Variants in PDHX observed in about 807,000 individuals in gnomAD.
PDHX encodes pyruvate dehydrogenase complex component X.
A neutral mutation model predicts 55.3 loss-of-function variants in PDHX; 33 were observed. The observed-to-expected ratio is 0.60, with a 90% CI of 0.45 to 0.80. The LOEUF (loss-of-function observed/expected upper bound fraction) is 0.80, where lower values mean the gene tolerates loss of function less well. Ranked by LOEUF, PDHX falls within the 30% of genes least tolerant of loss-of-function variation. The pLI is 0.00. For synonymous variants in PDHX, 226 were observed against 219.4 expected, an observed-to-expected ratio of 1.03 and a Z score of -0.27; for missense variants, 622 against 619.9, an observed-to-expected ratio of 1.00 and a Z score of -0.04.
intron 8 of PDHX, among the ~76,000 whole-genome samples, chr11:34,979,021 C>G (rs1010248420): frequency 6.6e-6 from 1 of 152,068 alleles, no homozygotes; most frequent in African/African-American, 2.4e-5. Context: ...TTTAGAAGAT[C>G]ACAGTGGCTT....
chr11:34,952,361 A>G (rs1398665606), intron 3 of PDHX, among the ~76,000 whole-genome samples: 2 of 152,294 alleles, frequency 1.3e-5, no homozygotes, highest in East Asian at 3.9e-4. Context: ...TCATCCTGAT[A>G]CCAAAGCCGG....
chr11:34,927,150 G>A (rs1440509586), intron 1 of PDHX, among the ~76,000 whole-genome samples: 5 of 152,036 alleles, frequency 3.3e-5, no homozygotes, highest in Non-Finnish European at 5.9e-5. Flanking sequence ...TGCTGTGGAA[G>A]GGTAGACTTC....
At chr11:34,974,150 G>T (rs150950692) in intron 7 of PDHX, among the ~76,000 whole-genome samples, 6 of 152,252 alleles carry the variant, frequency 3.9e-5, no homozygotes, top group Non-Finnish European at 5.9e-5. Flanking sequence ...CTGCAAAATG[G>T]AAACTCTGTA....
chr11:34,934,932 TAA>T (rs60682931), intron 2 of PDHX, among the ~76,000 whole-genome samples: 521 of 150,376 alleles, frequency 3.5e-3, no homozygotes, highest in African/African-American at 0.012. Flanking sequence ...TTTTGATTAT[TAA>T]AAAAAAAAAA....
intron 4 of PDHX, among the ~76,000 whole-genome samples, chr11:34,959,192 T>C (rs1854967544): frequency 6.6e-6 from 1 of 151,870 alleles, no homozygotes; most frequent in Non-Finnish European, 1.5e-5. Context: ...ATATAATAAA[T>C]ATATATAATT....
intron 6 of PDHX, among the ~76,000 whole-genome samples, chr11:34,969,683 G>A (rs1855214155): frequency 6.6e-6 from 1 of 151,990 alleles, no homozygotes; most frequent in Non-Finnish European, 1.5e-5. Flanking sequence ...AACAAAAGCT[G>A]CTTACAGATG....
intron 8 of PDHX, 59 bp from the exon 9 acceptor site, chr11:34,984,511 T>C: frequency 7.0e-7 from 1 of 1,429,124 alleles, no homozygotes; most frequent in Non-Finnish European, 9.8e-7. Context: ...TTTATTTTTC[T>C]GTAACCGCCT....
chr11:34,916,669 G>T lies in PDHX; in HGVS notation c.14G>T (p.Trp5Leu). 1 of 1,610,476 alleles carries T rather than the reference G, an allele frequency of 6.2e-7. No homozygotes were observed. Among genetic ancestry groups the T allele is most frequent in the Non-Finnish European group, 8.5e-7 (1 of 1,179,974 alleles). ...AAGGCCGTCAAGATGGCGGCCTCCTGGAGGCTGGGCTGTGATCCGCGGCTG... is the reference window on the plus strand; with the variant it reads ...AAGGCCGTCAAGATGGCGGCCTCCTTGAGGCTGGGCTGTGATCCGCGGCTG... MAAS[W>L]RLGCDPRLLR... The change falls in exon 1 of 11, where the codon TGG (tryptophan) becomes TTG (leucine). Residue 5 changes from tryptophan to leucine, a missense_variant. Physicochemically the swap from Trp to Leu is moderately conservative, Grantham distance 61. Transcript: ENST00000227868.
chr11:34,922,781 T>C (rs1218183525), intron 1 of PDHX, among the ~76,000 whole-genome samples: 1 of 131,544 alleles, frequency 7.6e-6, no homozygotes, highest in African/African-American at 2.6e-5. Context: ...TCTAAGGTGA[T>C]GTACTCTTAA....
chr11:34,949,218 G>A (rs1296424614), intron 3 of PDHX, among the ~76,000 whole-genome samples: 1 of 152,140 alleles, frequency 6.6e-6, no homozygotes. Flanking sequence ...GGACAAACTA[G>A]TAAATCTTTT....
At position 34,965,626 on chromosome 11, in the gene PDHX, G is replaced by A. The variant is rs1855114459; in HGVS notation, c.642-1014G>A. On this transcript the variant is annotated intron_variant, in intron 5 of 10. Transcript: ENST00000227868. ...AGATACAGTCAAGAGGGATGATATG[G>A]GGCATGTACACCAGGGGCAGGAATA... Among the ~76,000 whole-genome samples the A allele has an allele frequency of 1.3e-5, 2 of 152,048 alleles. 1 individual carries two copies. Among genetic ancestry groups the A allele is most frequent in the South Asian group, 4.1e-4 (2 of 4,820 alleles).
chr11:34,966,403 A>G (rs1425725323), intron 5 of PDHX, among the ~76,000 whole-genome samples: 1 of 152,244 alleles, frequency 6.6e-6, no homozygotes, highest in African/African-American at 2.4e-5. Flanking sequence ...CAATTTTAAT[A>G]ACATTTTAAT....
chr11:34,977,985 T>C (rs1407220771), intron 7 of PDHX, 139 bp from the exon 8 acceptor site: 5 of 635,884 alleles, frequency 7.9e-6, no homozygotes, highest in East Asian at 2.8e-5. Flanking sequence ...GGGAACCTTA[T>C]TGACTAAGCA....
chr11:34,991,759 A>T (rs952243073), intron 9 of PDHX, among the ~76,000 whole-genome samples: 1 of 151,896 alleles, frequency 6.6e-6, no homozygotes, highest in Non-Finnish European at 1.5e-5. Flanking sequence ...AAATATAAAA[A>T]ATTAGCTGGG....
At chr11:34,982,626 C>T (rs1013986956) in intron 8 of PDHX, among the ~76,000 whole-genome samples, 4 of 152,146 alleles carry the variant, frequency 2.6e-5, no homozygotes, top group Non-Finnish European at 5.9e-5. Context: ...AAACTACCGT[C>T]AGAGAATACT....
intron 3 of PDHX, among the ~76,000 whole-genome samples, chr11:34,953,598 G>T (rs528023557): frequency 1.3e-5 from 2 of 152,046 alleles, no homozygotes; most frequent in Non-Finnish European, 2.9e-5. Flanking sequence ...TTTTAAACTT[G>T]TTTTTTTAAA....
At chr11:34,924,742 A>G (rs1467786395) in intron 1 of PDHX, among the ~76,000 whole-genome samples, 1 of 152,136 alleles carries the variant, frequency 6.6e-6, no homozygotes, top group Non-Finnish European at 1.5e-5. Flanking sequence ...ACAATAGTAC[A>G]TGCATATAGT....
chr11:34,984,512 G>T, intron 8 of PDHX, 58 bp from the exon 9 acceptor site: 2 of 1,436,258 alleles, frequency 1.4e-6, no homozygotes, highest in Non-Finnish European at 2.0e-6. Context: ...TTATTTTTCT[G>T]TAACCGCCTT....
At chr11:34,979,042 G>A (rs1855446094) in intron 8 of PDHX, among the ~76,000 whole-genome samples, 1 of 152,110 alleles carries the variant, frequency 6.6e-6, no homozygotes, top group African/African-American at 2.4e-5. Context: ...GGACAAATGT[G>A]GTAGCAAATG....
Sources: allele counts gnomAD v4.1 joint callset (sites outside exome capture counted in the v4.1 genomes callset), GRCh38; gene constraint gnomAD v4.1.1; transcripts MANE v1.5; gene names NCBI Gene and HGNC (gene_info 2026-07-23, HGNC 2026-07-21).